The following PDXDC1 variants were observed in gnomAD, a reference collection of about 807,000 sequenced individuals.
The protein encoded by PDXDC1 is pyridoxal-dependent decarboxylase domain-containing protein 1.
Under a neutral mutation model 100.1 loss-of-function variants are expected in PDXDC1, and 42 were observed. The ratio of observed to expected loss-of-function variants is 0.42; its 90% CI spans 0.33 to 0.54. PDXDC1 has a LOEUF of 0.54. Ranked by LOEUF, PDXDC1 falls within the 20% of genes least tolerant of loss-of-function variation. PDXDC1 has a pLI of 0.10. For synonymous variants in PDXDC1, 260 were observed against 371.7 expected (o/e 0.70, Z 3.46); for missense variants, 636 against 979.2 (o/e 0.65, Z 4.68).
intron 16 of PDXDC1, chr16:15,091,339 G>C (rs201298856): frequency 7.7e-5 from 122 of 1,590,232 alleles, no homozygotes; most frequent in Non-Finnish European, 1.0e-4. Context: ...CTAACAGCTG[G>C]TTCTTCAACA....
intron 1 of PDXDC1, among the ~76,000 whole-genome samples, chr16:14,986,340 G>T (rs912122224): frequency 7.9e-5 from 12 of 152,270 alleles, no homozygotes; most frequent in African/African-American, 2.9e-4. Flanking sequence ...GTGATGGCGG[G>T]CACCTGGAAT....
rs1381440312 is a variant in PDXDC1 at position 15,035,629 on chromosome 16, T to C, written c.2107+76T>C. ...TGTTACTTGCGTTTGTTTTCTGGGTTCTTGAACTCCAGAGGTCTATTTCTC... is the reference window on the plus strand; with the variant it reads ...TGTTACTTGCGTTTGTTTTCTGGGTCCTTGAACTCCAGAGGTCTATTTCTC... On this transcript the variant is annotated intron_variant, in intron 22 of 22. Transcript: ENST00000396410. 10 of 794,682 alleles carry C rather than the reference T, an allele frequency of 1.3e-5. No homozygotes were observed. The South Asian group carries it at 1.8e-4, about 14-fold the overall frequency. 49.2% of individuals were successfully genotyped at this position (794,682 alleles called of 1,614,324 possible).
chr16:15,016,345 C>G, intron 9 of PDXDC1, 132 bp downstream of exon 9: 1 of 1,490,890 alleles, frequency 6.7e-7, no homozygotes, highest in East Asian at 2.4e-5. Context: ...CAAAATAACC[C>G]AAATTGGCTT....
At chr16:15,124,849 T>C (rs2047618147) in intron 16 of PDXDC1, among the ~76,000 whole-genome samples, 2 of 148,406 alleles carry the variant, frequency 1.3e-5, no homozygotes, top group South Asian at 2.2e-4. Flanking sequence ...GCTGCAGCCA[T>C]GTTCCAGCCC....
At chr16:15,005,173 A>G (rs1446117932) in intron 5 of PDXDC1, among the ~76,000 whole-genome samples, 10 of 152,262 alleles carry the variant, frequency 6.6e-5, no homozygotes, top group South Asian at 2.1e-4. Flanking sequence ...TCTGGCTAAC[A>G]TGGTGAAACC....
chr16:15,055,872 C>G (rs1324535697), intron 16 of PDXDC1: 1 of 1,212,586 alleles, frequency 8.2e-7, no homozygotes. Flanking sequence ...CCCGAAGCCC[C>G]GCGCCGCGCC....
chr16:15,136,146 G>A, intron 16 of PDXDC1: 3 of 1,303,534 alleles, frequency 2.3e-6, no homozygotes, highest in Non-Finnish European at 3.2e-6. Context: ...GGGCGGGTGT[G>A]GGATGCCAGG....
At chr16:15,095,861 G>GGTGTGTGTGTGTGTGT (rs113527217) in intron 16 of PDXDC1, among the ~76,000 whole-genome samples, 1 of 134,358 alleles carries the variant, frequency 7.4e-6, no homozygotes, top group Non-Finnish European at 1.6e-5. Flanking sequence ...AAAAAAAAAA[G>GGTGTGTGTGTGTGTGT]GTGTGTGTGT....
At chr16:15,058,663 G>C (rs2044610197) in intron 16 of PDXDC1, among the ~76,000 whole-genome samples, 1 of 152,046 alleles carries the variant, frequency 6.6e-6, no homozygotes, top group Non-Finnish European at 1.5e-5. Context: ...GGAGGCGGAG[G>C]TTGCAGTTGT....
intron 6 of PDXDC1, among the ~76,000 whole-genome samples, chr16:15,008,517 A>G (rs2040977830): frequency 6.6e-6 from 1 of 152,266 alleles, no homozygotes; most frequent in South Asian, 2.1e-4. Context: ...TATATTCTAG[A>G]ATATACCAAA....
chr16:14,983,388 TG>T (rs1166610288), intron 1 of PDXDC1, among the ~76,000 whole-genome samples: 2 of 151,398 alleles, frequency 1.3e-5, no homozygotes, highest in African/African-American at 4.8e-5. Context: ...ATGGCTAACA[TG>T]GTGAAACCCC....
chr16:15,135,437 C>T, intron 16 of PDXDC1: 2 of 1,259,638 alleles, frequency 1.6e-6, no homozygotes, highest in Non-Finnish European at 2.3e-6. Flanking sequence ...CCTCTGCAGG[C>T]CGAGAACAAG....
intron 17 of PDXDC1, chr16:15,032,123 G>T (rs1245165536): frequency 1.7e-6 from 1 of 571,750 alleles, no homozygotes; most frequent in Non-Finnish European, 3.1e-6. Flanking sequence ...TGAATGTTCT[G>T]TCTGTAGGTG....
rs369580841 is a variant in PDXDC1 at position 15,034,560 on chromosome 16, C to T, written c.2002+7C>T. The T allele has an allele frequency of 3.4e-5, 54 of 1,600,262 alleles. No homozygotes were observed. Among genetic ancestry groups the T allele is most frequent in the Admixed American group, 3.2e-4 (19 of 60,014 alleles). ...ACTTTTAACTTGACAGCAGGTAGGACGGCATAGCCTCTTCCCAGGTCTTGC... is the reference window on the plus strand; with the variant it reads ...ACTTTTAACTTGACAGCAGGTAGGATGGCATAGCCTCTTCCCAGGTCTTGC... On this transcript the variant is annotated splice_region_variant and intron_variant, in intron 21 of 22. Coordinates refer to ENST00000396410, the MANE Select transcript of PDXDC1 (RefSeq NM_015027.4).
At chr16:14,985,922 G>C (rs1310588174) in intron 1 of PDXDC1, among the ~76,000 whole-genome samples, 2 of 152,192 alleles carry the variant, frequency 1.3e-5, no homozygotes, top group South Asian at 2.1e-4. Flanking sequence ...GACATAGTAG[G>C]ACCATGTCTC....
chr16:15,125,902 G>T (rs942921955), intron 16 of PDXDC1: 1 of 691,674 alleles, frequency 1.4e-6, no homozygotes, highest in South Asian at 1.5e-5. Context: ...ACAGAGCCCG[G>T]TGCCATCTGA....
intron 16 of PDXDC1, among the ~76,000 whole-genome samples, chr16:15,097,312 A>G (rs999340264): frequency 2.6e-5 from 4 of 151,440 alleles, no homozygotes; most frequent in Admixed American, 2.6e-4. Context: ...GTACAAAATA[A>G]TATGTTAATG....
intron 8 of PDXDC1, among the ~76,000 whole-genome samples, chr16:15,012,044 A>G (rs1181366615): frequency 6.6e-6 from 1 of 152,396 alleles, no homozygotes; most frequent in Non-Finnish European, 1.5e-5. Flanking sequence ...TTGTTTGACA[A>G]AGAACTTGTA....
chr16:15,003,659 G>A, intron 4 of PDXDC1, among the ~76,000 whole-genome samples: 1 of 152,278 alleles, frequency 6.6e-6, no homozygotes, highest in Non-Finnish European at 1.5e-5. Flanking sequence ...TTTAAAAAGG[G>A]CTATTTATCT....
Sources: allele counts gnomAD v4.1 joint callset (sites outside exome capture counted in the v4.1 genomes callset), GRCh38; gene constraint gnomAD v4.1.1; transcripts MANE v1.5; gene names NCBI Gene and HGNC (gene_info 2026-07-23, HGNC 2026-07-21).